Variants in IFT172 observed in about 807,000 individuals in gnomAD.
The protein encoded by IFT172 is intraflagellar transport 172, also known as intraflagellar transport protein 172 homolog.
A neutral mutation model predicts 248.9 loss-of-function variants in IFT172; 164 were observed. The ratio of observed to expected loss-of-function variants is 0.66; its 90% CI spans 0.58 to 0.75. The LOEUF (loss-of-function observed/expected upper bound fraction) is 0.75. Among genes scored for constraint, IFT172 ranks in the 30% least tolerant of loss-of-function variants. The pLI, the probability that IFT172 is intolerant of heterozygous loss-of-function variation, is 0.00. For missense variants in IFT172, 1,950 were observed against 2,192.4 expected (o/e 0.89, Z 2.21); for synonymous variants, 729 against 791.6 (o/e 0.92, Z 1.33).
chr2:27,462,925 A>T, intron 19 of IFT172, 132 bp from the exon 20 acceptor site: 1 of 1,143,708 alleles, frequency 8.7e-7, no homozygotes, highest in Non-Finnish European at 1.3e-6. Flanking sequence ...TGGAGCTTAA[A>T]GGTTTGAGGT....
chr2:27,450,067 A>G lies in IFT172; in HGVS notation c.3981T>C (p.Pro1327=). Residue 1327 remains proline (P), a synonymous_variant, in exon 36 of 48, where the codon CCT becomes CCC. Transcript: ENST00000260570. ...GAACGACTTCCATATTACGTTGGGG[A>G]GGCAGAAACTTGATGGAGAGTTCAG... ...KAAELSIKFL[P]PQRNMEVVLA... is the part of the protein sequence containing the mutation. 2 of 1,614,102 alleles carry G rather than the reference A, an allele frequency of 1.2e-6. No individual in the cohort carries two copies. Among genetic ancestry groups the G allele is most frequent in the Non-Finnish European group, 8.5e-7 (1 of 1,179,980 alleles).
chr2:27,471,745 G>A (rs919971880), intron 15 of IFT172: 4 of 172,830 alleles, frequency 2.3e-5, no homozygotes, highest in Admixed American at 5.9e-5. Context: ...GGTCATACAG[G>A]ATTGCTGGGC....
At position 27,458,985 on chromosome 2, in the gene IFT172, T is replaced by C; in HGVS notation, c.2788-117A>G. ...GAGAGCCTGCGATACAACCTTGTAATAATAGAGAAGAAAAGATGAGTATGG... is the reference window on the plus strand; with the variant it reads ...GAGAGCCTGCGATACAACCTTGTAACAATAGAGAAGAAAAGATGAGTATGG... On this transcript the variant is annotated intron_variant, in intron 25 of 47. Coordinates refer to ENST00000260570, the MANE Select transcript of IFT172 (RefSeq NM_015662.3). 9 of 1,012,476 alleles carry C rather than the reference T, an allele frequency of 8.9e-6. No individual in the cohort carries two copies. Among genetic ancestry groups the C allele is most frequent in the African/African-American group, 1.6e-5 (1 of 62,162 alleles). 62.7% of individuals were successfully genotyped at this position (1,012,476 alleles called of 1,614,324 possible). A position where few individuals can be genotyped will look rare whatever the true frequency, so the allele number is the denominator to read the frequency against.
chr2:27,452,939 G>A (rs923629003), intron 35 of IFT172, among the ~76,000 whole-genome samples: 1 of 152,180 alleles, frequency 6.6e-6, no homozygotes, highest in South Asian at 2.1e-4. Flanking sequence ...TTCAGGAAAT[G>A]TTGGGTGGGG....
chr2:27,448,135 G>A (rs1181436920), intron 40 of IFT172, among the ~76,000 whole-genome samples: 1 of 152,008 alleles, frequency 6.6e-6, no homozygotes, highest in Non-Finnish European at 1.5e-5. Context: ...GTCTTGCTCT[G>A]TTGCCCAAGG....
chr2:27,478,585 A>G (rs1177476337), intron 10 of IFT172, among the ~76,000 whole-genome samples: 3 of 152,214 alleles, frequency 2.0e-5, no homozygotes, highest in African/African-American at 7.2e-5. Flanking sequence ...CTGAGACTAC[A>G]GGCATGTGCC....
intron 14 of IFT172, among the ~76,000 whole-genome samples, chr2:27,474,246 A>G (rs1261774668): frequency 1.3e-5 from 2 of 152,204 alleles, no homozygotes; most frequent in Admixed American, 1.3e-4. Flanking sequence ...AGATACCTAC[A>G]TTTCTGAGTG....
At chr2:27,452,604 G>A (rs1222087157) in intron 35 of IFT172, among the ~76,000 whole-genome samples, 1 of 152,154 alleles carries the variant, frequency 6.6e-6, no homozygotes, top group East Asian at 1.9e-4. Context: ...AGGTTGCGTA[G>A]AGCTTATTGC....
In IFT172 at chr2:27,485,030, A is replaced by G. The variant is rs777604071; in HGVS notation, c.284T>C (p.Ile95Thr). 3.8e-6 allele frequency: 6 copies of G among 1,575,534 alleles called. No individual in the cohort carries two copies. The Admixed American group carries it at 6.7e-5, about 18-fold the overall frequency. The change falls in exon 3 of 48, where the codon ATT (isoleucine) becomes ACT (threonine). Residue 95 changes from isoleucine to threonine, a missense_variant. Physicochemically the swap from Ile to Thr is moderately conservative, Grantham distance 89 (BLOSUM62 -1). Coordinates refer to ENST00000260570, the MANE Select transcript of IFT172 (RefSeq NM_015662.3). ...QTDNIIYVYK[I>T]GEDWGDKKVI... ...TCTCTATCCTCACCAATCTTCTCCA[A>G]TCTTGTAGACATAGATGATGTTGTC... is the stretch of plus-strand genomic sequence containing the variant.
Position 27,455,222 on chromosome 2 carries a change from C to T in IFT172, c.3372-562G>A, listed in dbSNP as rs117414910. The T allele has an allele frequency of 2.7e-3, 935 of 340,214 alleles. 24 individuals carry two copies. The East Asian group carries it at 0.059, about 22-fold the overall frequency. 21.1% of individuals were successfully genotyped at this position (340,214 alleles called of 1,614,324 possible). A position where few individuals can be genotyped will look rare whatever the true frequency, so the allele number is the denominator to read the frequency against. On this transcript the variant is annotated intron_variant, in intron 30 of 47. Transcript: ENST00000260570. ...CAACAATGCCAGAAAGAGAGGCAAA[C>T]GGCAGGTCCTTATTAGGCTGTGCTC...
At position 27,479,624 on chromosome 2, in the gene IFT172, C is replaced by T. The variant is rs1668213362; in HGVS notation, c.910-20G>A. On this transcript the variant is annotated intron_variant, in intron 9 of 47. Transcript: ENST00000260570. ...TGTGCCCTAGAAGGGAAAGTGACAG[C>T]ATAAAAGGTCACACACATAGTACAC... 2 of 1,448,702 alleles carry T rather than the reference C, an allele frequency of 1.4e-6. No homozygotes were observed. Among genetic ancestry groups the T allele is most frequent in the Admixed American group, 1.7e-5 (1 of 59,764 alleles). The allele number at this position is 1,448,702 out of a possible 1,614,324, so 89.7% of individuals were successfully genotyped here.
intron 7 of IFT172, among the ~76,000 whole-genome samples, 165 bp from the exon 8 acceptor site, chr2:27,481,425 T>TCACACACA (rs71401571): frequency 1.7e-4 from 25 of 145,238 alleles, no homozygotes; most frequent in African/African-American, 4.8e-4. Context: ...TCACAAATTG[T>TCACACACA]CACACACACA....
intron 1 of IFT172, 31 bp downstream of exon 1, chr2:27,489,584 A>T: frequency 6.3e-7 from 1 of 1,575,910 alleles, no homozygotes. Context: ...CATAAAGCAT[A>T]AGGGGGAGGG....
rs751125247 is a variant in IFT172, at chr2:27,484,163, A to G, written c.336+64T>C. The G allele has an allele frequency of 1.3e-5, 20 of 1,598,466 alleles. 1 individual carries two copies. The highest frequency in any genetic ancestry group is 5.5e-5 in the South Asian group (5 of 90,640). ...AGAAATGCAACTCCTGGCTGTATTTATAAGTAGATATACTGATATATGTTT... is the reference window on the plus strand; with the variant it reads ...AGAAATGCAACTCCTGGCTGTATTTGTAAGTAGATATACTGATATATGTTT... On this transcript the variant is annotated intron_variant, in intron 4 of 47. Coordinates refer to ENST00000260570, the MANE Select transcript of IFT172 (RefSeq NM_015662.3).
intron 42 of IFT172, 67 bp from the exon 43 acceptor site, chr2:27,446,422 T>C (rs1665105975): frequency 7.3e-7 from 1 of 1,368,394 alleles, no homozygotes; most frequent in Non-Finnish European, 1.0e-6. Flanking sequence ...CCAATGATCC[T>C]GTAAGGCAGC....
At chr2:27,489,531 A>C (rs150202539) in intron 1 of IFT172, 84 bp downstream of exon 1, 7 of 978,452 alleles carry the variant, frequency 7.2e-6, no homozygotes, top group Non-Finnish European at 1.1e-5. Context: ...ACACAGTAGG[A>C]GGTCAACATC....
At chr2:27,485,625 A>C in intron 1 of IFT172, 122 bp from the exon 2 acceptor site, 4 of 1,167,080 alleles carry the variant, frequency 3.4e-6, no homozygotes, top group Non-Finnish European at 4.8e-6. Flanking sequence ...TTCTATCCTC[A>C]AAACAAAGAG....
chr2:27,449,907 G>A, intron 36 of IFT172, 91 bp downstream of exon 36: 1 of 1,391,984 alleles, frequency 7.2e-7, no homozygotes, highest in Non-Finnish European at 1.0e-6. Context: ...CCACCAGGAG[G>A]CCCACCTCAC....
At position 27,472,297 on chromosome 2, in the gene IFT172, G is replaced by A; in HGVS notation, c.1477C>T (p.Leu493Phe). The change falls in exon 15 of 48, where the codon CTT becomes TTT. Residue 493 changes from leucine to phenylalanine, a missense_variant. By Grantham distance (22) the Leu-to-Phe change is conservative (BLOSUM62 0). Around this residue, in one of 3 missense-constraint regions of IFT172, gnomAD observed 1,166 missense variants for 1,254.1 expected, o/e 0.93. Coordinates refer to ENST00000260570, the MANE Select transcript of IFT172 (RefSeq NM_015662.3). ...AGGAGCTTGTGTCCAGTCTCATTAA[G>A]TTCCAGCCAATCCACACGGCTCTCA... Reference protein sequence around the residue: ...SHESRVDWLELNETGHKLLFR... With the variant: ...SHESRVDWLEFNETGHKLLFR... 4 of 1,614,148 alleles carry A rather than the reference G, an allele frequency of 2.5e-6. No homozygotes were observed. The highest frequency in any genetic ancestry group is 3.4e-6 in the Non-Finnish European group (4 of 1,180,030).
Sources: gnomAD v4.1 joint callset for allele counts (sites outside exome capture counted in the v4.1 genomes callset) on GRCh38, gnomAD v4.1.1 for gene constraint, gnomAD v4.1.1 regional missense constraint, MANE v1.5 for transcripts, NCBI Gene and HGNC (gene_info 2026-07-23, HGNC 2026-07-21) for gene names.